Variants in SPG21 observed in about 807,000 individuals in gnomAD.
The protein encoded by SPG21 is SPG21 abhydrolase domain containing, maspardin, also known as maspardin.
In SPG21, 26 loss-of-function variants were observed where a neutral mutation model predicts 38.9. The ratio of observed to expected loss-of-function variants is 0.67; its 90% confidence interval spans 0.49 to 0.93. SPG21 has a LOEUF of 0.93. Ranked by LOEUF, SPG21 falls within the 40% of genes least tolerant of loss-of-function variation. The pLI, the probability that SPG21 is intolerant of heterozygous loss-of-function variation, is 0.00. For missense variants in SPG21, 333 were observed against 376.5 expected (o/e 0.88, Z 0.96); for synonymous variants, 136 against 128.9 (o/e 1.05, Z -0.37).
chr15:64,986,986 C>T (rs1467200519), intron 1 of SPG21, among the ~76,000 whole-genome samples: 1 of 152,158 alleles, frequency 6.6e-6, no homozygotes, highest in African/African-American at 2.4e-5. Flanking sequence ...TTATAAAACA[C>T]CTTAGCTAAC....
chr15:64,967,827 G>A (rs565410278), intron 7 of SPG21, among the ~76,000 whole-genome samples: 94 of 152,104 alleles, frequency 6.2e-4, no homozygotes, highest in African/African-American at 2.1e-3. Context: ...GACTGGTCTC[G>A]AATTCCTGGG....
rs746066812 is a variant in SPG21 at position 64,980,925 on chromosome 15, G to A, written c.164C>T (p.Thr55Ile). ...AATCTGCCGGAAAAAGACATCTGCAGTTCCACTGACAGGGGGCAGGAATAT... is the reference window on the plus strand; with the variant it reads ...AATCTGCCGGAAAAAGACATCTGCAATTCCACTGACAGGGGGCAGGAATAT... ...PLIFLPPVSG[T>I]ADVFFRQILA... Residue 55 changes from threonine to isoleucine, a missense_variant, in exon 3 of 9, where the codon ACT (threonine) becomes ATT (isoleucine). Coordinates refer to ENST00000204566, the MANE Select transcript of SPG21 (RefSeq NM_016630.7). The A allele has an allele frequency of 6.2e-7, 1 of 1,614,052 alleles. No homozygotes were observed. The highest frequency in any genetic ancestry group is 8.5e-7 in the Non-Finnish European group (1 of 1,180,028).
intron 3 of SPG21, among the ~76,000 whole-genome samples, chr15:64,977,798 G>A (rs910283376): frequency 2.0e-5 from 3 of 151,976 alleles, no homozygotes; most frequent in African/African-American, 7.2e-5. Flanking sequence ...ATTTCTAAGG[G>A]ACTCAGGTTT....
chr15:64,963,851 G>C, intron 8 of SPG21, 115 bp from the exon 9 acceptor site: 1 of 874,310 alleles, frequency 1.1e-6, no homozygotes, highest in Non-Finnish European at 1.8e-6. Context: ...CCGCCTCCCG[G>C]GTTCACCCAA....
intron 1 of SPG21, 51 bp from the exon 2 acceptor site, chr15:64,983,644 G>T: frequency 8.8e-7 from 1 of 1,131,152 alleles, no homozygotes; most frequent in Non-Finnish European, 1.3e-6. Flanking sequence ...GTTTACATCA[G>T]AACTAAATGT....
intron 3 of SPG21, among the ~76,000 whole-genome samples, chr15:64,979,422 G>C (rs138395933): frequency 6.6e-6 from 1 of 152,320 alleles, no homozygotes; most frequent in Admixed American, 6.5e-5. Flanking sequence ...TTGTGAAGAG[G>C]AATGACTGAA....
intron 8 of SPG21, among the ~76,000 whole-genome samples, chr15:64,964,984 G>T (rs1231635657): frequency 6.6e-6 from 1 of 152,124 alleles, no homozygotes; most frequent in Non-Finnish European, 1.5e-5. Flanking sequence ...ACAGGACTCA[G>T]ATTGACCCCA....
chr15:64,973,554 T>A (rs183960913), intron 5 of SPG21, among the ~76,000 whole-genome samples: 107 of 151,860 alleles, frequency 7.0e-4, no homozygotes, highest in Middle Eastern at 3.4e-3. Context: ...TGGGTTCAAG[T>A]GATTCTCCTG....
At chr15:64,964,131 A>T (rs2085500122) in intron 8 of SPG21, among the ~76,000 whole-genome samples, 1 of 152,222 alleles carries the variant, frequency 6.6e-6, no homozygotes, top group Non-Finnish European at 1.5e-5. Flanking sequence ...GTAGGAAAAC[A>T]TCACCATAGT....
chr15:64,965,203 C>T, intron 8 of SPG21, 117 bp downstream of exon 8: 1 of 1,385,064 alleles, frequency 7.2e-7, no homozygotes. Flanking sequence ...GTCAATGCCT[C>T]ATTTCTACAA....
chr15:64,980,723 G>T, intron 3 of SPG21, 141 bp downstream of exon 3: 1 of 1,029,708 alleles, frequency 9.7e-7, no homozygotes, highest in Non-Finnish European at 1.4e-6. Flanking sequence ...GGGCGACAGA[G>T]TGAGAATCCA....
rs141549584 is a variant in SPG21, at chr15:64,966,563, C to T, written c.670-1103G>A. Among the ~76,000 whole-genome samples the T allele has an allele frequency of 5.9e-5, 9 of 152,180 alleles. 1 individual carries two copies. The highest frequency in any genetic ancestry group is 3.4e-3 in the Middle Eastern group (1 of 292). On this transcript the variant is annotated intron_variant, in intron 7 of 8. Coordinates refer to ENST00000204566, the MANE Select transcript of SPG21 (RefSeq NM_016630.7). ...AGAGGATGATAAGAAGTTGTTTACA[C>T]GCTTATAATGAATAATTTCCCAACA...
At chr15:64,968,072 T>A (rs1277392603) in intron 7 of SPG21, among the ~76,000 whole-genome samples, 1 of 152,106 alleles carries the variant, frequency 6.6e-6, no homozygotes, top group African/African-American at 2.4e-5. Context: ...AGAAATAGGC[T>A]GGGCGTGGTG....
At chr15:64,983,478 A>C in intron 2 of SPG21, 29 bp downstream of exon 2, 1 of 1,505,724 alleles carries the variant, frequency 6.6e-7, no homozygotes, top group Non-Finnish European at 9.1e-7. Context: ...AGATTTTGCA[A>C]ATAAGAGGTA....
intron 2 of SPG21, chr15:64,983,289 TA>T: frequency 3.6e-6 from 1 of 279,490 alleles, no homozygotes; most frequent in Non-Finnish European, 6.9e-6. Flanking sequence ...AATAAATAAA[TA>T]AAAATGAGTA....
chr15:64,983,198 C>A, intron 2 of SPG21: 2 of 242,602 alleles, frequency 8.2e-6, no homozygotes, highest in South Asian at 3.9e-5. Context: ...GCAGAGGTTG[C>A]AGTGAGCCGA....
intron 1 of SPG21, among the ~76,000 whole-genome samples, chr15:64,988,327 T>C (rs2086040105): frequency 6.6e-6 from 1 of 152,212 alleles, no homozygotes; most frequent in Admixed American, 6.5e-5. Context: ...CAAAATCACC[T>C]TTATCAATGT....
chr15:64,971,306 A>G (rs1432283438), intron 5 of SPG21, among the ~76,000 whole-genome samples: 83 of 151,988 alleles, frequency 5.5e-4, no homozygotes, highest in African/African-American at 1.9e-3. Flanking sequence ...TTGGGAGGCC[A>G]AGGTGGGCAG....
rs2085735696 is a variant in SPG21 at position 64,974,460 on chromosome 15, G to A, written c.452+142C>T. The A allele has an allele frequency of 3.1e-6, 3 of 970,950 alleles. No homozygotes were observed. In the Admixed American group the frequency reaches 6.9e-5, roughly 22 times the overall value. The allele number at this position is 970,950 out of a possible 1,614,324, so 60.1% of individuals were successfully genotyped here. A position where few individuals can be genotyped will look rare whatever the true frequency, so the allele number is the denominator to read the frequency against. On this transcript the variant is annotated intron_variant, in intron 5 of 8. Coordinates refer to ENST00000204566, the MANE Select transcript of SPG21 (RefSeq NM_016630.7). ...ACTGCACTTCAGCCTGGGTGACAGA[G>A]CAAGACTCTGTCTCAAAAAAAAAGC...
Sources: allele counts gnomAD v4.1 joint callset (sites outside exome capture counted in the v4.1 genomes callset), GRCh38; gene constraint gnomAD v4.1.1; transcripts MANE v1.5; gene names NCBI Gene and HGNC (gene_info 2026-07-23, HGNC 2026-07-21).